The following JAZF1 variants were observed in gnomAD, a reference collection of about 807,000 sequenced individuals.
The protein encoded by JAZF1 is juxtaposed with another zinc finger protein 1.
JAZF1 carries 8 observed loss-of-function variants against 26.4 expected under a neutral mutation model. The observed-to-expected ratio is 0.30, with a 90% confidence interval of 0.18 to 0.55. The LOEUF (loss-of-function observed/expected upper bound fraction) is 0.55, where lower values mean the gene tolerates loss of function less well. JAZF1 is among the 20% of genes least tolerant of loss of function. The probability of loss-of-function intolerance (pLI) is 0.94; values close to 1 mark genes in which losing one functional copy is unlikely to be tolerated. For synonymous variants in JAZF1, 126 were observed against 122.3 expected, an observed-to-expected ratio of 1.03 and a Z score of -0.20; for missense variants, 199 against 322.0, an observed-to-expected ratio of 0.62 and a Z score of 2.92.
At chr7:27,988,759 G>A (rs1785817601) in intron 2 of JAZF1, among the ~76,000 whole-genome samples, 1 of 151,954 alleles carries the variant, frequency 6.6e-6, no homozygotes, top group African/African-American at 2.4e-5. Context: ...CTGGTAGAAT[G>A]TAAAATTGCA....
intron 3 of JAZF1, among the ~76,000 whole-genome samples, chr7:27,864,852 T>G (rs940163705): frequency 2.6e-5 from 4 of 152,148 alleles, no homozygotes; most frequent in Admixed American, 6.5e-5. Flanking sequence ...ATGACTTATT[T>G]TCCCTTAACA....
At chr7:27,979,228 T>C (rs2128361666) in intron 2 of JAZF1, among the ~76,000 whole-genome samples, 1 of 152,130 alleles carries the variant, frequency 6.6e-6, no homozygotes, top group South Asian at 2.1e-4. Flanking sequence ...GCATGACAAT[T>C]CTTTACATCT....
At chr7:27,883,724 G>A (rs1783810596) in intron 3 of JAZF1, among the ~76,000 whole-genome samples, 1 of 152,186 alleles carries the variant, frequency 6.6e-6, no homozygotes, top group African/African-American at 2.4e-5. Flanking sequence ...AGACGTAGGT[G>A]CTGTAAGTTC....
intron 3 of JAZF1, chr7:27,846,630 T>C (rs1327349259): frequency 2.2e-6 from 1 of 458,524 alleles, no homozygotes; most frequent in Non-Finnish European, 4.5e-6. Flanking sequence ...CTTGTCTTTT[T>C]GATCAGAGCT....
rs10255700 is a variant in JAZF1, at chr7:28,180,609, C to A, written c.-32G>T. On this transcript the variant is annotated 5_prime_UTR_variant, in exon 1 of 5. Coordinates refer to ENST00000283928, the MANE Select transcript of JAZF1 (RefSeq NM_175061.4). ...ACATCGAGAGCCCCCCTGGTGTCGG[C>A]TCTGCGAGCGCCGGGCGGGCGAGGG... The A allele has an allele frequency of 7.1e-5, 111 of 1,555,050 alleles. No homozygotes were observed. Among genetic ancestry groups the A allele is most frequent in the Non-Finnish European group, 9.5e-5 (108 of 1,141,496 alleles).
intron 1 of JAZF1, among the ~76,000 whole-genome samples, chr7:28,095,729 C>A (rs906870393): frequency 3.9e-5 from 6 of 152,178 alleles, no homozygotes; most frequent in Non-Finnish European, 8.8e-5. Flanking sequence ...ACGTCAAATC[C>A]CTGTGAGATC....
At chr7:27,869,262 A>T (rs1003429476) in intron 3 of JAZF1, among the ~76,000 whole-genome samples, 8 of 149,980 alleles carry the variant, frequency 5.3e-5, no homozygotes, top group Non-Finnish European at 1.0e-4. Flanking sequence ...AACAAGCGGC[A>T]ACAGAAATAA....
chr7:27,940,589 T>G (rs1454891053), intron 2 of JAZF1, among the ~76,000 whole-genome samples: 1 of 152,228 alleles, frequency 6.6e-6, no homozygotes, highest in Non-Finnish European at 1.5e-5. Flanking sequence ...TCAAGTCTGA[T>G]GACAGCACTG....
rs1782723857 is a variant in JAZF1, at chr7:27,832,465, C to A, written c.*335G>T. ...AATCTCAGTGCCAGCCCCTCCTCCC[C>A]CCAGGTTGATACCACCGCAATACAA... is the stretch of plus-strand genomic sequence containing the variant. On this transcript the variant is annotated 3_prime_UTR_variant, in exon 5 of 5. Transcript: ENST00000283928. 4.2e-6 allele frequency: 1 copy of A among 237,014 alleles called. No individual in the cohort carries two copies. Among genetic ancestry groups the A allele is most frequent in the East Asian group, 6.1e-5 (1 of 16,402 alleles). The allele number at this position is 237,014 out of a possible 1,614,324, so 14.7% of individuals were successfully genotyped here.
chr7:28,175,181 GGTGTAAA>G (rs1481181387), intron 1 of JAZF1, among the ~76,000 whole-genome samples: 5 of 152,246 alleles, frequency 3.3e-5, no homozygotes, highest in African/African-American at 1.2e-4. Flanking sequence ...CCTCTGCCAG[GGTGTAAA>G]GTGCCTCTGG....
intron 1 of JAZF1, among the ~76,000 whole-genome samples, chr7:28,109,904 C>A (rs1784614800): frequency 6.6e-6 from 1 of 152,010 alleles, no homozygotes; most frequent in Non-Finnish European, 1.5e-5. Context: ...TCCTAAACAG[C>A]CTAAGTGAAT....
At chr7:27,986,568 T>C (rs913543609) in intron 2 of JAZF1, among the ~76,000 whole-genome samples, 2 of 152,176 alleles carry the variant, frequency 1.3e-5, no homozygotes, top group Admixed American at 6.5e-5. Context: ...AATGCCATCC[T>C]CATCAAGCTA....
chr7:27,913,722 T>C (rs1335863048), intron 2 of JAZF1, among the ~76,000 whole-genome samples: 1 of 151,524 alleles, frequency 6.6e-6, no homozygotes, highest in Non-Finnish European at 1.5e-5. Flanking sequence ...GTGAGATACC[T>C]TGGCCATTTG....
intron 1 of JAZF1, among the ~76,000 whole-genome samples, chr7:28,098,353 T>A (rs1386811079): frequency 6.6e-6 from 1 of 152,108 alleles, no homozygotes; most frequent in Non-Finnish European, 1.5e-5. Flanking sequence ...AATGATTGTG[T>A]GTAAGCCAAA....
rs189013009 is a variant in JAZF1, at chr7:28,069,199, T to G, written c.116-77218A>C. Among the ~76,000 whole-genome samples the G allele has an allele frequency of 3.7e-4, 56 of 152,374 alleles. No individual in the cohort carries two copies. In the East Asian group the frequency reaches 0.011, roughly 29 times the overall value. On this transcript the variant is annotated intron_variant, in intron 1 of 4. Transcript: ENST00000283928. ...AGAGAGCAGAGCCAGCTATCTGGAC[T>G]CCCAGCTCAGCGCTGCTTCCTCTTG...
rs58448766 is a variant in JAZF1 at position 28,120,501 on chromosome 7, C to CTTTTTTTTTTTTTTTTTTTTTTTTTTTT, written c.115+59961_115+59962insAAAAAAAAAAAAAAAAAAAAAAAAAAAA. 1.7e-4 allele frequency among the ~76,000 whole-genome samples: 10 copies of CTTTTTTTTTTTTTTTTTTTTTTTTTTTT among 59,010 alleles called. 2 individuals carry two copies. Among genetic ancestry groups the CTTTTTTTTTTTTTTTTTTTTTTTTTTTT allele is most frequent in the African/African-American group, 2.0e-4 (3 of 14,654 alleles). The allele number at this position is 59,010 out of a possible 152,430, so 38.7% of individuals were successfully genotyped here. A position where few individuals can be genotyped will look rare whatever the true frequency, so the allele number is the denominator to read the frequency against. ...TCTGAACCACTAGCCACACACAGTT[C>CTTTTTTTTTTTTTTTTTTTTTTTTTTTT]TTTTTTTTTTTTTTTTTTTTTTTTT... is the stretch of plus-strand genomic sequence containing the variant. On this transcript the variant is annotated intron_variant, in intron 1 of 4. Transcript: ENST00000283928.
At chr7:28,007,432 G>A (rs1782723230) in intron 1 of JAZF1, among the ~76,000 whole-genome samples, 1 of 152,162 alleles carries the variant, frequency 6.6e-6, no homozygotes, top group African/African-American at 2.4e-5. Context: ...AGCCAGGTGT[G>A]GTGGTGTGTG....
chr7:27,873,769 T>G (rs1361532180), intron 3 of JAZF1, among the ~76,000 whole-genome samples: 4 of 152,168 alleles, frequency 2.6e-5, no homozygotes. Flanking sequence ...TTGCATCCCC[T>G]CCAGCACTCA....
At chr7:28,018,953 C>A (rs541685671) in intron 1 of JAZF1, among the ~76,000 whole-genome samples, 1 of 152,312 alleles carries the variant, frequency 6.6e-6, no homozygotes, top group Non-Finnish European at 1.5e-5. Context: ...GCTGTCTGTG[C>A]AGAGATCCTG....
Sources: allele counts gnomAD v4.1 joint callset (sites outside exome capture counted in the v4.1 genomes callset), GRCh38; gene constraint gnomAD v4.1.1; transcripts MANE v1.5; gene names NCBI Gene and HGNC (gene_info 2026-07-23, HGNC 2026-07-21).